The following HMGN5 variants were observed in gnomAD, a reference collection of about 807,000 sequenced individuals.
HMGN5 encodes the protein high mobility group nucleosome-binding domain-containing protein 5.
Under a neutral mutation model 9.5 loss-of-function variants are expected in HMGN5, and 4 were observed. The observed-to-expected ratio is 0.42, with a 90% confidence interval of 0.21 to 0.96. HMGN5 has a LOEUF of 0.96. Among genes scored for constraint, HMGN5 ranks in the 40% least tolerant of loss-of-function variants. The pLI is 0.30. For missense variants in HMGN5, 192 were observed against 187.5 expected, an observed-to-expected ratio of 1.02 and a Z score of -0.14; for synonymous variants, 55 against 57.1, an observed-to-expected ratio of 0.96 and a Z score of 0.16.
chrX:81,162,382 T>C (rs1188352625), intron 1 of HMGN5, among the ~76,000 whole-genome samples: 1 of 101,184 alleles, frequency 9.9e-6, no homozygotes, highest in African/African-American at 3.7e-5. Flanking sequence ...AAAAAACCAC[T>C]CAGCTGCAAA....
chrX:81,200,857 T>TA (rs913013713), intron 1 of HMGN5, among the ~76,000 whole-genome samples: 5 of 109,430 alleles, frequency 4.6e-5, no homozygotes, highest in African/African-American at 1.7e-4. Flanking sequence ...AAAGTATAAT[T>TA]AAAAAAAAAT....
At chrX:81,143,059 C>T (rs1218730279) in intron 1 of HMGN5, among the ~76,000 whole-genome samples, 1 of 110,943 alleles carries the variant, frequency 9.0e-6, no homozygotes, top group Admixed American at 9.6e-5. Flanking sequence ...AAGCTATTAT[C>T]AGCTTAAAGC....
intron 1 of HMGN5, among the ~76,000 whole-genome samples, chrX:81,148,450 C>T (rs974197611): frequency 2.7e-5 from 3 of 111,830 alleles, no homozygotes; most frequent in Non-Finnish European, 5.6e-5. Context: ...GAAACTGGAT[C>T]CCTTCCTTAC....
chrX:81,126,147 C>CAAAAA (rs776769640), intron 1 of HMGN5, among the ~76,000 whole-genome samples: 1 of 47,741 alleles, frequency 2.1e-5, no homozygotes. Context: ...GACGCAGTCT[C>CAAAAA]AAAAAAAAAA....
chrX:81,114,775 ATCT>A lies in HMGN5; in HGVS notation c.720_722del (p.Glu240del). The A allele has an allele frequency of 8.7e-7, 1 of 1,147,267 alleles. No individual in the cohort carries two copies. The allele number at this position is 1,147,267 out of a possible 1,213,427, so 94.5% of individuals were successfully genotyped here. On this transcript the variant is annotated inframe_deletion, in exon 7 of 7. Transcript: ENST00000358130. ...CAGCTTCTTCCTCATTTCCACCTTC[ATCT>A]TCTTTTCCATCTTCTCTCTCTTTTT... is the stretch of plus-strand genomic sequence containing the variant.
At chrX:81,155,648 C>A (rs754917468) in intron 1 of HMGN5, among the ~76,000 whole-genome samples, 2 of 111,427 alleles carry the variant, frequency 1.8e-5, no homozygotes, top group South Asian at 3.7e-4. Context: ...GTGAAAAAAA[C>A]CAACCCCAAA....
At chrX:81,172,958 A>C (rs1348366844) in intron 1 of HMGN5, among the ~76,000 whole-genome samples, 3 of 111,439 alleles carry the variant, frequency 2.7e-5, no homozygotes, top group Middle Eastern at 4.4e-3. Context: ...AACAATCCCT[A>C]TGAAGGTTAA....
chrX:81,165,752 A>G (rs1205796152), intron 1 of HMGN5, among the ~76,000 whole-genome samples: 1 of 111,579 alleles, frequency 9.0e-6, no homozygotes, highest in Non-Finnish European at 1.9e-5. Flanking sequence ...GACTTAAGTA[A>G]ATGTCAGGGT....
chrX:81,150,433 C>T (rs949921789), intron 1 of HMGN5, among the ~76,000 whole-genome samples: 11 of 110,447 alleles, frequency 1.0e-4, no homozygotes, highest in Non-Finnish European at 1.3e-4. Context: ...GGCATGGTGG[C>T]GGACACCTGT....
intron 1 of HMGN5, among the ~76,000 whole-genome samples, chrX:81,201,090 C>T (rs1399943743): frequency 2.7e-5 from 3 of 110,774 alleles, no homozygotes; most frequent in African/African-American, 9.9e-5. Context: ...GTTAACAAAG[C>T]TATTGTAAGC....
intron 1 of HMGN5, among the ~76,000 whole-genome samples, chrX:81,191,226 C>T (rs1831869175): frequency 9.0e-6 from 1 of 111,312 alleles, no homozygotes; most frequent in African/African-American, 3.3e-5. Context: ...CAATTGGTTA[C>T]ATTTAAATTT....
intron 1 of HMGN5, among the ~76,000 whole-genome samples, chrX:81,180,037 T>G (rs1286866373): frequency 1.8e-5 from 2 of 111,441 alleles, no homozygotes; most frequent in African/African-American, 6.5e-5. Flanking sequence ...CCTTACACCT[T>G]ATACAAAAAT....
chrX:81,118,853 C>T, intron 3 of HMGN5, 94 bp from the exon 4 acceptor site: 1 of 542,251 alleles, frequency 1.8e-6, no homozygotes, highest in Non-Finnish European at 3.0e-6. Flanking sequence ...TGTAACAATA[C>T]ATAAATATTG....
chrX:81,182,932 G>A (rs1460014035), intron 1 of HMGN5, among the ~76,000 whole-genome samples: 3 of 111,706 alleles, frequency 2.7e-5, no homozygotes, highest in East Asian at 5.6e-4. Context: ...ACAGGAAGAT[G>A]AGGGAAAGTA....
At chrX:81,118,865 C>A in intron 3 of HMGN5, 106 bp from the exon 4 acceptor site, 1 of 495,997 alleles carries the variant, frequency 2.0e-6, no homozygotes, top group Non-Finnish European at 3.3e-6. Flanking sequence ...TAAATATTGT[C>A]ATTAAGTAAT....
In HMGN5 at chrX:81,118,851, T is replaced by C. The variant is rs139363964; in HGVS notation, c.46-92A>G. 1,491 of 547,240 alleles carry C rather than the reference T, an allele frequency of 2.7e-3. 15 individuals carry two copies. The African/African-American group carries it at 0.032, about 12-fold the overall frequency. 45.1% of individuals were successfully genotyped at this position (547,240 alleles called of 1,213,427 possible). ...GAGGTCAAAATATTTGGTGTAACAATACATAAATATTGTCATTAAGTAATT... is the reference window on the plus strand; with the variant it reads ...GAGGTCAAAATATTTGGTGTAACAACACATAAATATTGTCATTAAGTAATT... On this transcript the variant is annotated intron_variant, in intron 3 of 6. Transcript: ENST00000358130.
chrX:81,191,440 C>T (rs1200073328), intron 1 of HMGN5, among the ~76,000 whole-genome samples: 6 of 111,728 alleles, frequency 5.4e-5, no homozygotes, highest in African/African-American at 1.6e-4. Flanking sequence ...TAAAGAGGCT[C>T]TTTTTATTTC....
chrX:81,147,412 T>A (rs983535807), intron 1 of HMGN5, among the ~76,000 whole-genome samples: 1 of 111,434 alleles, frequency 9.0e-6, no homozygotes, highest in Non-Finnish European at 1.9e-5. Context: ...ATTATTTAAA[T>A]TGATACAGAA....
intron 1 of HMGN5, among the ~76,000 whole-genome samples, chrX:81,182,777 C>T (rs778207098): frequency 8.1e-4 from 91 of 111,992 alleles, no homozygotes; most frequent in African/African-American, 2.8e-3. Context: ...TTCTTTATAG[C>T]AGTGTGTGAA....
Sources: gnomAD v4.1 joint callset for allele counts (sites outside exome capture counted in the v4.1 genomes callset) on GRCh38, gnomAD v4.1.1 for gene constraint, MANE v1.5 for transcripts, NCBI Gene and HGNC (gene_info 2026-07-23, HGNC 2026-07-21) for gene names.